AMD1: variants seen among roughly 807,000 people sequenced by gnomAD.
The protein encoded by AMD1 is adenosylmethionine decarboxylase 1, also known as S-adenosylmethionine decarboxylase proenzyme.
Under a neutral mutation model 40.2 loss-of-function variants are expected in AMD1, and 11 were observed. The observed-to-expected ratio is 0.27, with a 90% CI of 0.17 to 0.45. The LOEUF (loss-of-function observed/expected upper bound fraction) is 0.45. AMD1 is among the 20% of genes least tolerant of loss of function. The pLI is 1.00. For synonymous variants in AMD1, 121 were observed against 130.8 expected, an observed-to-expected ratio of 0.93 and a Z score of 0.51; for missense variants, 257 against 410.2, an observed-to-expected ratio of 0.63 and a Z score of 3.23.
At chr6:110,892,241 A>C in intron 5 of AMD1, 38 bp downstream of exon 5, 1 of 1,613,732 alleles carries the variant, frequency 6.2e-7, no homozygotes, top group African/African-American at 1.3e-5. Context: ...TTGTTGTCCT[A>C]TGTAAGATTT....
chr6:110,815,241 T>G, the AMD1 span: 10,822 of 1,130,232 alleles, frequency 9.6e-3, 169 homozygotes, highest in African/African-American at 0.071. Context: ...CAGCCGCCTC[T>G]CGCGCGCGCG....
chr6:110,877,715 T>C (rs911255661), intron 1 of AMD1, among the ~76,000 whole-genome samples: 2 of 152,270 alleles, frequency 1.3e-5, no homozygotes, highest in Non-Finnish European at 1.5e-5. Flanking sequence ...TAAACTGTTA[T>C]CTTTAACACT....
At chr6:110,843,647 C>T in the AMD1 span, among the ~76,000 whole-genome samples, 2 of 152,000 alleles carry the variant, frequency 1.3e-5, no homozygotes, top group Non-Finnish European at 2.9e-5. Context: ...AGTGCAGTGG[C>T]GCCATCTTGG....
chr6:110,850,566 G>A, the AMD1 span, among the ~76,000 whole-genome samples: 1 of 152,162 alleles, frequency 6.6e-6, no homozygotes, highest in Non-Finnish European at 1.5e-5. Flanking sequence ...ATTAAAATAT[G>A]TGTTCCAAGT....
the AMD1 span, among the ~76,000 whole-genome samples, chr6:110,827,871 A>G: frequency 2.6e-5 from 4 of 152,068 alleles, no homozygotes; most frequent in Non-Finnish European, 5.9e-5. Context: ...TGTTAGACAA[A>G]TTTCATTCTT....
rs937826065 is a variant in AMD1 at position 110,894,529 on chromosome 6, C to T, written c.*913C>T. On this transcript the variant is annotated 3_prime_UTR_variant, in exon 9 of 9. Coordinates refer to ENST00000368885, the MANE Select transcript of AMD1 (RefSeq NM_001634.6). Reference sequence around the variant, plus strand: ...TGTGGAAAACATACAATTCTGTGTTCCTCAGTAAATGAGATTAGCGTCTAA... The same window carrying T: ...TGTGGAAAACATACAATTCTGTGTTTCTCAGTAAATGAGATTAGCGTCTAA... The T allele has an allele frequency of 6.6e-6, 1 of 152,156 alleles. No homozygotes were observed. Among genetic ancestry groups the T allele is most frequent in the African/African-American group, 2.4e-5 (1 of 41,424 alleles). The allele number at this position is 152,156 out of a possible 1,614,324, so 9.4% of individuals were successfully genotyped here. A position where few individuals can be genotyped will look rare whatever the true frequency, so the allele number is the denominator to read the frequency against.
chr6:110,815,412 T>G, the AMD1 span: 1 of 298,050 alleles, frequency 3.4e-6, no homozygotes, highest in Non-Finnish European at 6.1e-6. Context: ...TTCATTTCCT[T>G]GTTTTGGAAC....
chr6:110,815,874 T>A, the AMD1 span: 1 of 152,326 alleles, frequency 6.6e-6, no homozygotes, highest in African/African-American at 2.4e-5. Flanking sequence ...TACCGCAGCT[T>A]GTTTCTTTTC....
intron 3 of AMD1, chr6:110,890,013 A>C (rs187960765): frequency 8.0e-6 from 3 of 375,764 alleles, no homozygotes; most frequent in Non-Finnish European, 1.4e-5. Flanking sequence ...TTTTAAAAAA[A>C]AGAGAGAGAG....
At chr6:110,870,517 G>A (rs1279396000), upstream of AMD1, among the ~76,000 whole-genome samples, 2 of 152,104 alleles carry the variant, frequency 1.3e-5, no homozygotes, top group East Asian at 3.9e-4. Context: ...CAGCTACGTG[G>A]GAGGCTGAGG....
chr6:110,823,186 T>TA, the AMD1 span, among the ~76,000 whole-genome samples: 1 of 152,096 alleles, frequency 6.6e-6, no homozygotes, highest in Non-Finnish European at 1.5e-5. Context: ...CTCTTTATGA[T>TA]AAAAACCCTC....
At chr6:110,853,207 C>T in the AMD1 span, among the ~76,000 whole-genome samples, 2 of 151,940 alleles carry the variant, frequency 1.3e-5, no homozygotes, top group Admixed American at 1.3e-4. Context: ...CCTGCAACCT[C>T]CACGTCTAGG....
At chr6:110,839,766 C>T in the AMD1 span, among the ~76,000 whole-genome samples, 5 of 151,992 alleles carry the variant, frequency 3.3e-5, no homozygotes, top group African/African-American at 1.2e-4. Flanking sequence ...TGCAGGAAGA[C>T]AATTATAATT....
chr6:110,862,661 G>A, the AMD1 span, among the ~76,000 whole-genome samples: 2 of 151,466 alleles, frequency 1.3e-5, no homozygotes, highest in African/African-American at 4.9e-5. Context: ...GAGATGGTGA[G>A]GTTTCACCAA....
chr6:110,853,827 C>T, the AMD1 span, among the ~76,000 whole-genome samples: 58 of 152,326 alleles, frequency 3.8e-4, no homozygotes, highest in African/African-American at 1.3e-3. Context: ...GTCTACAATC[C>T]TCCATTATCT....
rs367903991 is a variant in AMD1 at position 110,875,223 on chromosome 6, C to T, written c.110+8C>T. The T allele has an allele frequency of 1.3e-6, 2 of 1,596,778 alleles. No homozygotes were observed. Among genetic ancestry groups the T allele is most frequent in the Non-Finnish European group, 1.7e-6 (2 of 1,171,872 alleles). ...TCTTCGCACTATCCCAAGGTGGGTC[C>T]CCGGGGCGCTCGCTGACATCCGGGC... On this transcript the variant is annotated splice_region_variant and intron_variant, in intron 1 of 8. Transcript: ENST00000368885.
chr6:110,859,231 C>T, the AMD1 span: 1 of 560,158 alleles, frequency 1.8e-6, no homozygotes, highest in Non-Finnish European at 3.1e-6. Context: ...TTTTTCTTAA[C>T]CTGTTCAGTG....
the AMD1 span, among the ~76,000 whole-genome samples, chr6:110,855,901 C>T: frequency 2.0e-5 from 3 of 152,010 alleles, no homozygotes; most frequent in South Asian, 2.1e-4. Flanking sequence ...GGCAACATAG[C>T]GAGACCCCAA....
rs1786190372 is a variant in AMD1, at chr6:110,894,316, C to T, written c.*700C>T. ...CCCAAATAAAGCAATACACTGTTAACACTGTGGGTTTATATACTAATTCTA... is the reference window on the plus strand; with the variant it reads ...CCCAAATAAAGCAATACACTGTTAATACTGTGGGTTTATATACTAATTCTA... On this transcript the variant is annotated 3_prime_UTR_variant, in exon 9 of 9. Transcript: ENST00000368885. 1 of 152,674 alleles carries T rather than the reference C, an allele frequency of 6.5e-6. No homozygotes were observed. The highest frequency in any genetic ancestry group is 6.5e-5 in the Admixed American group (1 of 15,278). 9.5% of individuals were successfully genotyped at this position (152,674 alleles called of 1,614,324 possible).
Sources: allele counts gnomAD v4.1 joint callset (sites outside exome capture counted in the v4.1 genomes callset), GRCh38; gene constraint gnomAD v4.1.1; transcripts MANE v1.5; gene names NCBI Gene and HGNC (gene_info 2026-07-23, HGNC 2026-07-21).